The following ST6GAL2 variants were observed in gnomAD, a reference collection of about 807,000 sequenced individuals.
ST6GAL2 encodes beta-galactoside alpha-2,6-sialyltransferase 2.
Under a neutral mutation model 37.5 loss-of-function variants are expected in ST6GAL2, and 24 were observed. The observed-to-expected ratio is 0.64, with a 90% CI of 0.46 to 0.90. The LOEUF (loss-of-function observed/expected upper bound fraction) is 0.90. ST6GAL2 is among the 40% of genes least tolerant of loss of function. The pLI, the probability that ST6GAL2 is intolerant of heterozygous loss-of-function variation, is 0.00. For missense variants in ST6GAL2, 715 were observed against 712.7 expected, an observed-to-expected ratio of 1.00 and a Z score of -0.04; for synonymous variants, 306 against 295.1, an observed-to-expected ratio of 1.04 and a Z score of -0.38.
intron 1 of ST6GAL2, among the ~76,000 whole-genome samples, chr2:106,849,461 G>T (rs577343703): frequency 1.3e-5 from 2 of 152,154 alleles, no homozygotes; most frequent in African/African-American, 4.8e-5. Context: ...ATAGCATCAC[G>T]TGACAGTTAG....
chr2:106,816,982 C>G (rs530001298), intron 5 of ST6GAL2, among the ~76,000 whole-genome samples: 3 of 152,192 alleles, frequency 2.0e-5, no homozygotes, highest in African/African-American at 7.2e-5. Context: ...AAAGCAACAC[C>G]GGGCAGAACT....
chr2:106,879,811 ATAC>A (rs1678669953), intron 1 of ST6GAL2, among the ~76,000 whole-genome samples: 3 of 147,844 alleles, frequency 2.0e-5, no homozygotes, highest in African/African-American at 7.4e-5. Context: ...GACAAATTAT[ATAC>A]TATTATATAT....
chr2:106,872,346 G>C (rs1275716724), intron 1 of ST6GAL2, among the ~76,000 whole-genome samples: 1 of 152,176 alleles, frequency 6.6e-6, no homozygotes, highest in Non-Finnish European at 1.5e-5. Context: ...TGGAAATCAG[G>C]AACAGCCTCA....
intron 1 of ST6GAL2, among the ~76,000 whole-genome samples, chr2:106,876,329 G>A (rs975334151): frequency 3.9e-5 from 6 of 152,036 alleles, no homozygotes; most frequent in Admixed American, 2.6e-4. Flanking sequence ...TGAACAAATG[G>A]CAAAACTAAG....
intron 1 of ST6GAL2, among the ~76,000 whole-genome samples, chr2:106,884,135 G>T (rs1481282977): frequency 2.0e-5 from 3 of 152,064 alleles, no homozygotes; most frequent in Non-Finnish European, 4.4e-5. Flanking sequence ...GTGGGGGGGT[G>T]GAACCTCCAG....
At chr2:106,875,048 A>G (rs1678442334) in intron 1 of ST6GAL2, among the ~76,000 whole-genome samples, 1 of 152,232 alleles carries the variant, frequency 6.6e-6, no homozygotes, top group South Asian at 2.1e-4. Context: ...ACAATATAAT[A>G]TGAGTACATC....
intron 1 of ST6GAL2, among the ~76,000 whole-genome samples, chr2:106,881,541 TA>T (rs1678751130): frequency 6.6e-6 from 1 of 152,210 alleles, no homozygotes; most frequent in Non-Finnish European, 1.5e-5. Flanking sequence ...AAGTCATCAT[TA>T]CACTTTCAAA....
At chr2:106,824,315 G>A (rs1287369822) in intron 5 of ST6GAL2, among the ~76,000 whole-genome samples, 3 of 152,152 alleles carry the variant, frequency 2.0e-5, no homozygotes, top group African/African-American at 7.2e-5. Context: ...AAGAATAATT[G>A]TATTTGTAGT....
intron 5 of ST6GAL2, among the ~76,000 whole-genome samples, chr2:106,824,177 C>A (rs1322691445): frequency 6.6e-6 from 1 of 152,182 alleles, no homozygotes; most frequent in African/African-American, 2.4e-5. Flanking sequence ...AACACAAATG[C>A]ACTTTTAAGA....
chr2:106,834,317 C>T (rs1676546236), intron 2 of ST6GAL2, 171 bp from the exon 3 acceptor site: 2 of 582,428 alleles, frequency 3.4e-6, no homozygotes, highest in Non-Finnish European at 6.1e-6. Context: ...AGAATGAGAT[C>T]TTGGCTGGAG....
intron 4 of ST6GAL2, 112 bp from the exon 5 acceptor site, chr2:106,830,352 G>T (rs1426592505): frequency 4.8e-6 from 4 of 825,434 alleles, no homozygotes; most frequent in Non-Finnish European, 7.7e-6. Context: ...TAGAGGATGG[G>T]GAAAGATCAT....
intron 1 of ST6GAL2, among the ~76,000 whole-genome samples, chr2:106,861,929 T>C (rs1198904260): frequency 6.6e-6 from 1 of 152,184 alleles, no homozygotes; most frequent in Non-Finnish European, 1.5e-5. Context: ...CACCAATCCA[T>C]TCATTCTTAC....
At chr2:106,819,571 C>T (rs1414842990) in intron 5 of ST6GAL2, among the ~76,000 whole-genome samples, 3 of 151,760 alleles carry the variant, frequency 2.0e-5, no homozygotes, top group Admixed American at 6.6e-5. Context: ...AAAAACTGAG[C>T]GATTTCAACA....
At position 106,843,706 on chromosome 2, in the gene ST6GAL2, G is replaced by T. The variant is rs80079355; in HGVS notation, c.272C>A (p.Ala91Glu). 5.0e-6 allele frequency: 8 copies of T among 1,613,062 alleles called. No individual in the cohort carries two copies. The highest frequency in any genetic ancestry group is 1.6e-4 in the Middle Eastern group (1 of 6,062). The change falls in exon 2 of 6, where the codon GCG (alanine) becomes GAG (glutamate). Residue 91 changes from alanine (A) to glutamate (E), a missense_variant. Ala to Glu is a moderately radical substitution (Grantham distance 107, BLOSUM62 -1). This residue lies in a region of ST6GAL2 where 512 missense variants were observed against 488.8 expected (regional missense o/e 1.05). Coordinates refer to ENST00000409382, the MANE Select transcript of ST6GAL2 (RefSeq NM_001142351.2). Reference sequence around the variant, plus strand: ...CCATTTCTGCAGGTCTCCAGGCCCCGCATGAAAGGAACCGGCTGGGTGGGC... The same window carrying T: ...CCATTTCTGCAGGTCTCCAGGCCCCTCATGAAAGGAACCGGCTGGGTGGGC... ...PRAHPAGSFH[A>E]GPGDLQKWAQ...
chr2:106,850,775 G>C (rs962265975), intron 1 of ST6GAL2, among the ~76,000 whole-genome samples: 1 of 152,182 alleles, frequency 6.6e-6, no homozygotes, highest in African/African-American at 2.4e-5. Flanking sequence ...GGCTAAGCAA[G>C]AGAAAACACA....
Position 106,806,609 on chromosome 2 carries a change from A to C in ST6GAL2, c.*69T>G. ...ACTACACTGTCTAAAATCTATCTTCAAGTATTCTTTTGTGACTTTGAGTAC... is the reference window on the plus strand; with the variant it reads ...ACTACACTGTCTAAAATCTATCTTCCAGTATTCTTTTGTGACTTTGAGTAC... On this transcript the variant is annotated 3_prime_UTR_variant, in exon 6 of 6. Coordinates refer to ENST00000409382, the MANE Select transcript of ST6GAL2 (RefSeq NM_001142351.2). The C allele has an allele frequency of 6.6e-7, 1 of 1,520,188 alleles. No homozygotes were observed. The highest frequency in any genetic ancestry group is 9.0e-7 in the Non-Finnish European group (1 of 1,115,390). 94.2% of individuals were successfully genotyped at this position (1,520,188 alleles called of 1,614,324 possible). A position where few individuals can be genotyped will look rare whatever the true frequency, so the allele number is the denominator to read the frequency against.
In ST6GAL2 at chr2:106,872,254, T is replaced by C. The variant is rs543880448; in HGVS notation, c.-58+13839A>G. ...ATGCTGAAGTGCTCTAGGAACCAACTTAGGTTCCTAATAGAAGATCAAGTT... is the reference window on the plus strand; with the variant it reads ...ATGCTGAAGTGCTCTAGGAACCAACCTAGGTTCCTAATAGAAGATCAAGTT... On this transcript the variant is annotated intron_variant, in intron 1 of 5. Coordinates refer to ENST00000409382, the MANE Select transcript of ST6GAL2 (RefSeq NM_001142351.2). 2.0e-5 allele frequency among the ~76,000 whole-genome samples: 3 copies of C among 152,332 alleles called. No homozygotes were observed. In the South Asian group the frequency reaches 6.2e-4, roughly 32 times the overall value.
chr2:106,865,924 A>T (rs946340169), intron 1 of ST6GAL2, among the ~76,000 whole-genome samples: 2 of 152,196 alleles, frequency 1.3e-5, no homozygotes, highest in African/African-American at 2.4e-5. Flanking sequence ...TTTTGTTTGC[A>T]GCCTGCTCAG....
At chr2:106,812,253 C>T (rs1675639483) in intron 5 of ST6GAL2, among the ~76,000 whole-genome samples, 1 of 152,200 alleles carries the variant, frequency 6.6e-6, no homozygotes, top group Non-Finnish European at 1.5e-5. Context: ...CCAGCGCCTG[C>T]TCTCTAACGT....
Sources: gnomAD v4.1 joint callset for allele counts (sites outside exome capture counted in the v4.1 genomes callset) on GRCh38, gnomAD v4.1.1 for gene constraint, gnomAD v4.1.1 regional missense constraint, MANE v1.5 for transcripts, NCBI Gene and HGNC (gene_info 2026-07-23, HGNC 2026-07-21) for gene names.